Variants in QTGAL observed in about 807,000 individuals in gnomAD.
The protein encoded by QTGAL is queuosine-tRNA galactosyltransferase, also known as BGnT-like protein 1.
the QTGAL span, among the ~76,000 whole-genome samples, chr17:83,018,697 G>A: frequency 7.9e-5 from 12 of 152,332 alleles, no homozygotes; most frequent in Non-Finnish European, 1.5e-4. Flanking sequence ...AAGAAAGGTC[G>A]CAATGGGCCG....
the QTGAL span, among the ~76,000 whole-genome samples, chr17:82,959,352 TGTGTGTGCACGTGAGTGC>T: frequency 6.7e-6 from 1 of 149,940 alleles, no homozygotes; most frequent in Admixed American, 6.6e-5. Context: ...GTACATGCAG[TGTGTGTGCACGTGAGTGC>T]GTGTGTGCAG....
chr17:83,022,987 CG>C, the QTGAL span, among the ~76,000 whole-genome samples: 2 of 33,540 alleles, frequency 6.0e-5, no homozygotes, highest in Non-Finnish European at 1.2e-4. Context: ...GCACTGTCCC[CG>C]GCCCACCTGC....
At chr17:82,959,358 TGC>T in the QTGAL span, among the ~76,000 whole-genome samples, 1 of 146,620 alleles carries the variant, frequency 6.8e-6, no homozygotes, top group African/African-American at 2.6e-5. Context: ...GCAGTGTGTG[TGC>T]ACGTGAGTGC....
chr17:83,027,325 G>GA, the QTGAL span, among the ~76,000 whole-genome samples: 8 of 152,214 alleles, frequency 5.3e-5, no homozygotes, highest in Non-Finnish European at 1.2e-4. Flanking sequence ...ATATTCACAT[G>GA]AAAAAAACTA....
chr17:83,020,347 G>C, the QTGAL span, among the ~76,000 whole-genome samples: 1 of 152,124 alleles, frequency 6.6e-6, no homozygotes, highest in Non-Finnish European at 1.5e-5. Context: ...CAATTACAAA[G>C]CCCAGGCCAG....
the QTGAL span, among the ~76,000 whole-genome samples, chr17:82,974,650 C>G: frequency 3.9e-5 from 6 of 152,166 alleles, no homozygotes; most frequent in Admixed American, 3.9e-4. Flanking sequence ...AGGGTCTAAT[C>G]AGCACATTCA....
At chr17:83,021,656 GC>G in the QTGAL span, among the ~76,000 whole-genome samples, 1 of 152,084 alleles carries the variant, frequency 6.6e-6, no homozygotes. Flanking sequence ...CTAAAATTTT[GC>G]AGAATTCAAA....
chr17:83,001,218 G>A, the QTGAL span, among the ~76,000 whole-genome samples: 1 of 152,192 alleles, frequency 6.6e-6, no homozygotes, highest in African/African-American at 2.4e-5. Context: ...AGGAACTCCA[G>A]GGACAGAGGA....
the QTGAL span, among the ~76,000 whole-genome samples, chr17:82,994,434 T>C: frequency 6.6e-6 from 1 of 151,608 alleles, no homozygotes; most frequent in Admixed American, 6.6e-5. Context: ...GGGGAAGAGA[T>C]CTAGAAAATC....
At chr17:83,023,398 G>C in the QTGAL span, among the ~76,000 whole-genome samples, 30,289 of 127,508 alleles carry the variant, frequency 0.24, 4,943 homozygotes, top group African/African-American at 0.37. Flanking sequence ...CACATTGGCT[G>C]CTCTCCGCTG....
chr17:83,048,998 A>C, the QTGAL span: 4 of 550,866 alleles, frequency 7.3e-6, no homozygotes, highest in Non-Finnish European at 1.3e-5. Flanking sequence ...TGAAAAAAAA[A>C]CTGAAAGGAC....
the QTGAL span, among the ~76,000 whole-genome samples, chr17:82,979,187 T>A: frequency 1.3e-5 from 2 of 152,242 alleles, no homozygotes; most frequent in East Asian, 3.9e-4. Flanking sequence ...AAGAGCTGGC[T>A]CTTTGAAGAG....
chr17:83,029,001 T>C, the QTGAL span, among the ~76,000 whole-genome samples: 2 of 152,294 alleles, frequency 1.3e-5, no homozygotes, highest in East Asian at 1.9e-4. Flanking sequence ...CGGTTTCACG[T>C]ACGCATGAAA....
the QTGAL span, among the ~76,000 whole-genome samples, chr17:82,959,283 G>A: frequency 1.3e-5 from 2 of 152,026 alleles, no homozygotes; most frequent in South Asian, 4.1e-4. Context: ...GCCTGTGCAT[G>A]CAGTATGAGT....
At chr17:82,958,834 T>TGTGTGTGTATACTGTGTGGGGGTGTATG in the QTGAL span, among the ~76,000 whole-genome samples, 25 of 134,250 alleles carry the variant, frequency 1.9e-4, no homozygotes, top group South Asian at 4.8e-4. Context: ...GTGTATGGTG[T>TGTGTGTGTATACTGTGTGGGGGTGTATG]GTGTGTGTGT....
the QTGAL span, among the ~76,000 whole-genome samples, chr17:82,963,500 C>A: frequency 6.6e-6 from 1 of 152,174 alleles, no homozygotes; most frequent in African/African-American, 2.4e-5. Context: ...TCAGCCTCTC[C>A]CTCTACAATA....
chr17:83,008,661 C>T, the QTGAL span, among the ~76,000 whole-genome samples: 7 of 152,300 alleles, frequency 4.6e-5, no homozygotes, highest in East Asian at 7.7e-4. Context: ...TCAAAGGCAA[C>T]GCAGCTTCTG....
the QTGAL span, chr17:83,049,022 G>A: frequency 1.7e-4 from 84 of 491,324 alleles, no homozygotes; most frequent in South Asian, 1.9e-3. Context: ...GGGAGGCCGA[G>A]GTGGGTGGAT....
the QTGAL span, among the ~76,000 whole-genome samples, chr17:83,009,068 C>A: frequency 6.6e-6 from 1 of 152,150 alleles, no homozygotes; most frequent in South Asian, 2.1e-4. Flanking sequence ...GAACCCATCA[C>A]ACAGAAGGAA....
Sources: gnomAD v4.1 joint callset for allele counts (sites outside exome capture counted in the v4.1 genomes callset) on GRCh38, gnomAD v4.1.1 for gene constraint, MANE v1.5 for transcripts, NCBI Gene and HGNC (gene_info 2026-07-23, HGNC 2026-07-21) for gene names.